SELENOF: variants seen among roughly 807,000 people sequenced by gnomAD.
SELENOF encodes the protein 15 kDa selenoprotein.
A neutral mutation model predicts 20.5 loss-of-function variants in SELENOF; 16 were observed. That is an observed-to-expected ratio of 0.78 (90% CI 0.53 to 1.19). The LOEUF (loss-of-function observed/expected upper bound fraction) is 1.19. Ranked by LOEUF, SELENOF falls within the 50% of genes most tolerant of loss-of-function variation. SELENOF has a pLI of 0.00. For missense variants in SELENOF, 215 were observed against 194.2 expected, an observed-to-expected ratio of 1.11 and a Z score of -0.64; for synonymous variants, 78 against 74.5, an observed-to-expected ratio of 1.05 and a Z score of -0.24.
intron 3 of SELENOF, among the ~76,000 whole-genome samples, chr1:86,871,783 TAAA>T (rs1223348891): frequency 3.3e-5 from 5 of 150,968 alleles, no homozygotes; most frequent in African/African-American, 1.2e-4. Context: ...TAAAATTGTA[TAAA>T]AAGATTGGTA....
At chr1:86,879,379 T>C (rs1361565197) in intron 3 of SELENOF, among the ~76,000 whole-genome samples, 1 of 152,192 alleles carries the variant, frequency 6.6e-6, no homozygotes, top group Non-Finnish European at 1.5e-5. Context: ...TACATCAGAA[T>C]GTGTTATTCT....
chr1:86,897,236 G>A (rs1425143009), intron 2 of SELENOF, among the ~76,000 whole-genome samples: 3 of 152,144 alleles, frequency 2.0e-5, no homozygotes, highest in East Asian at 1.9e-4. Flanking sequence ...GCGGTGAGCC[G>A]AGATGGCACC....
chr1:86,899,667 G>C (rs1334236467), intron 2 of SELENOF, among the ~76,000 whole-genome samples: 1 of 151,692 alleles, frequency 6.6e-6, no homozygotes, highest in Non-Finnish European at 1.5e-5. Flanking sequence ...CTCCCGGATG[G>C]GGCGGCTGGC....
At chr1:86,870,711 T>C (rs1658739508) in intron 3 of SELENOF, among the ~76,000 whole-genome samples, 1 of 152,120 alleles carries the variant, frequency 6.6e-6, no homozygotes, top group African/African-American at 2.4e-5. Flanking sequence ...TCCGCCTTCC[T>C]GGGTTCACGC....
chr1:86,865,627 T>C (rs779681348), intron 4 of SELENOF, among the ~76,000 whole-genome samples: 1 of 152,194 alleles, frequency 6.6e-6, no homozygotes, highest in Non-Finnish European at 1.5e-5. Context: ...ATAACAAGTG[T>C]TGACAAGGAT....
chr1:86,872,573 G>A (rs112272683), intron 3 of SELENOF, among the ~76,000 whole-genome samples: 3,786 of 150,534 alleles, frequency 0.025, 83 homozygotes, highest in African/African-American at 0.056. Flanking sequence ...TAAAGACGAG[G>A]TTTCTCCATG....
intron 2 of SELENOF, among the ~76,000 whole-genome samples, chr1:86,883,150 C>T (rs1370867203): frequency 3.3e-5 from 5 of 150,582 alleles, no homozygotes; most frequent in African/African-American, 1.2e-4. Flanking sequence ...AAAATTCGGA[C>T]ACATATTACA....
chr1:86,870,697 A>G (rs1418272911), intron 3 of SELENOF, among the ~76,000 whole-genome samples: 8 of 151,994 alleles, frequency 5.3e-5, no homozygotes, highest in African/African-American at 1.9e-4. Context: ...GGCGCACTGC[A>G]AGCTCCGCCT....
At chr1:86,901,926 T>G (rs1244281139) in intron 2 of SELENOF, among the ~76,000 whole-genome samples, 2 of 152,180 alleles carry the variant, frequency 1.3e-5, no homozygotes, top group Non-Finnish European at 2.9e-5. Context: ...CTGTTTATTA[T>G]AAAATGCCCC....
intron 2 of SELENOF, among the ~76,000 whole-genome samples, chr1:86,896,938 A>G (rs2102114420): frequency 6.6e-6 from 1 of 152,360 alleles, no homozygotes; most frequent in African/African-American, 2.4e-5. Flanking sequence ...TAGTAAAAAC[A>G]GCCTTATTCA....
intron 3 of SELENOF, among the ~76,000 whole-genome samples, chr1:86,879,121 T>C (rs1658997095): frequency 1.3e-5 from 2 of 152,126 alleles, no homozygotes; most frequent in African/African-American, 4.8e-5. Flanking sequence ...TTGATTCTCA[T>C]GAAAATCTAA....
chr1:86,876,641 G>A (rs555089045), intron 3 of SELENOF, among the ~76,000 whole-genome samples: 1 of 152,190 alleles, frequency 6.6e-6, no homozygotes, highest in African/African-American at 2.4e-5. Flanking sequence ...CATCAGATAA[G>A]TACTGTAATT....
rs34766716 is a variant in SELENOF, at chr1:86,914,087, T to C, written c.25A>G (p.Ser9Gly). The C allele has an allele frequency of 2.4e-5, 39 of 1,613,662 alleles. No homozygotes were observed. In the African/African-American group the frequency reaches 4.1e-4, roughly 17 times the overall value. Residue 9 changes from serine to glycine, a missense_variant, in exon 1 of 5, where the codon AGT (serine) becomes GGT (glycine). By Grantham distance (56) the Ser-to-Gly change is moderately conservative (BLOSUM62 0). Transcript: ENST00000331835. MVAMAAGP[S>G]GCLVPAFGLR... is the part of the protein sequence containing the mutation. The stretch of plus-strand genomic sequence containing the variant: ...CCAAACGCCGGCACCAGACACCCAC[T>C]CGGCCCAGCCGCCATCGCTACCATT...
chr1:86,887,322 G>A (rs1363375024), intron 2 of SELENOF: 3 of 1,106,430 alleles, frequency 2.7e-6, no homozygotes, highest in African/African-American at 1.6e-5. Flanking sequence ...ACTAAATTCT[G>A]AAAAAATACA....
intron 2 of SELENOF, among the ~76,000 whole-genome samples, chr1:86,895,491 C>A (rs967577056): frequency 6.6e-6 from 1 of 152,294 alleles, no homozygotes; most frequent in South Asian, 2.1e-4. Flanking sequence ...CTCATAATCA[C>A]CCTATGAGAC....
At chr1:86,901,768 AAACTGGG>A (rs1240075357) in intron 2 of SELENOF, among the ~76,000 whole-genome samples, 1 of 152,224 alleles carries the variant, frequency 6.6e-6, no homozygotes, top group East Asian at 1.9e-4. Flanking sequence ...TTATACCAAA[AAACTGGG>A]GTATTATGAA....
In SELENOF at chr1:86,863,368, G is replaced by A. The variant is rs1035201874; in HGVS notation, c.*106C>T. 3 of 941,734 alleles carry A rather than the reference G, an allele frequency of 3.2e-6. No individual in the cohort carries two copies. Among genetic ancestry groups the A allele is most frequent in the Admixed American group, 5.5e-5 (2 of 36,340 alleles). 58.3% of individuals were successfully genotyped at this position (941,734 alleles called of 1,614,324 possible). A position where few individuals can be genotyped will look rare whatever the true frequency, so the allele number is the denominator to read the frequency against. The stretch of plus-strand genomic sequence containing the variant: ...TTTAATTAGATATTTAATGCCTCAA[G>A]TAAAAGACTGATCAATGGAAGCAAG... On this transcript the variant is annotated 3_prime_UTR_variant, in exon 5 of 5. Transcript: ENST00000331835.
At chr1:86,909,856 T>G (rs1659929974) in intron 1 of SELENOF, among the ~76,000 whole-genome samples, 1 of 151,992 alleles carries the variant, frequency 6.6e-6, no homozygotes, top group Admixed American at 6.6e-5. Flanking sequence ...ATACAAAAAA[T>G]TAGCTGGGCG....
chr1:86,871,527 T>C (rs959769758), intron 3 of SELENOF, among the ~76,000 whole-genome samples: 1 of 152,206 alleles, frequency 6.6e-6, no homozygotes, highest in Non-Finnish European at 1.5e-5. Context: ...AATGTTTTAC[T>C]GAAGAAAGTA....
Sources: allele counts gnomAD v4.1 joint callset (sites outside exome capture counted in the v4.1 genomes callset), GRCh38; gene constraint gnomAD v4.1.1; transcripts MANE v1.5; gene names NCBI Gene and HGNC (gene_info 2026-07-23, HGNC 2026-07-21).